LPAR6: variants seen among roughly 807,000 people sequenced by gnomAD.
The protein encoded by LPAR6 is G-protein coupled purinergic receptor P2Y5.
A neutral mutation model predicts 22.0 loss-of-function variants in LPAR6; 17 were observed. That is an observed-to-expected ratio of 0.77 (90% confidence interval 0.53 to 1.16). The LOEUF is 1.16. LPAR6 is among the 50% of genes most tolerant of loss of function. The pLI is 0.00. For missense variants in LPAR6, 384 were observed against 406.9 expected (o/e 0.94, Z 0.48); for synonymous variants, 136 against 139.8 (o/e 0.97, Z 0.19).
At chr13:48,433,515 A>C (rs762852520) in intron 1 of LPAR6, among the ~76,000 whole-genome samples, 2 of 152,156 alleles carry the variant, frequency 1.3e-5, no homozygotes, top group Non-Finnish European at 2.9e-5. Flanking sequence ...TTTTGTTCAG[A>C]GAATTTCTGC....
At chr13:48,444,286 G>A (rs916530127) in intron 1 of LPAR6, among the ~76,000 whole-genome samples, 1 of 152,314 alleles carries the variant, frequency 6.6e-6, no homozygotes, top group African/African-American at 2.4e-5. Context: ...GGAGGTCGAG[G>A]TGGGCAGATC....
upstream of LPAR6, among the ~76,000 whole-genome samples, chr13:48,430,216 G>A (rs1949115212): frequency 6.6e-6 from 1 of 152,046 alleles, no homozygotes; most frequent in African/African-American, 2.4e-5. Flanking sequence ...CCCATACCCA[G>A]GGGAATTTAA....
At chr13:48,436,736 T>C (rs1011401813) in intron 1 of LPAR6, among the ~76,000 whole-genome samples, 9 of 152,068 alleles carry the variant, frequency 5.9e-5, no homozygotes, top group African/African-American at 2.2e-4. Context: ...CAAGGTAAAA[T>C]GGAAAAGATC....
At chr13:48,396,230 T>C (rs1948647111) in intron 1 of LPAR6, among the ~76,000 whole-genome samples, 1 of 152,154 alleles carries the variant, frequency 6.6e-6, no homozygotes, top group African/African-American at 2.4e-5. Flanking sequence ...GGCATCACGC[T>C]ACTTGACTTC....
chr13:48,395,967 A>T (rs531737952), intron 1 of LPAR6, among the ~76,000 whole-genome samples: 26 of 152,286 alleles, frequency 1.7e-4, no homozygotes, highest in African/African-American at 5.8e-4. Flanking sequence ...AAAAAATATT[A>T]AGAGCAGCCA....
intron 1 of LPAR6, among the ~76,000 whole-genome samples, chr13:48,442,549 A>G (rs1477936518): frequency 6.6e-6 from 1 of 152,236 alleles, no homozygotes; most frequent in Non-Finnish European, 1.5e-5. Context: ...AAATTCCACA[A>G]AAACTCTTTA....
chr13:48,391,839 G>T (rs573784460), intron 1 of LPAR6, among the ~76,000 whole-genome samples: 1 of 151,886 alleles, frequency 6.6e-6, no homozygotes, highest in Non-Finnish European at 1.5e-5. Context: ...GGCTGGTCTC[G>T]AACTCCTGAC....
At chr13:48,402,827 A>G (rs894864995) in intron 1 of LPAR6, among the ~76,000 whole-genome samples, 3 of 152,204 alleles carry the variant, frequency 2.0e-5, no homozygotes, top group African/African-American at 7.2e-5. Context: ...AACATAAAGT[A>G]TAGTAATTTT....
At chr13:48,433,718 A>G (rs899064595) in intron 1 of LPAR6, among the ~76,000 whole-genome samples, 1 of 147,966 alleles carries the variant, frequency 6.8e-6, no homozygotes, top group South Asian at 2.1e-4. Flanking sequence ...TATGCATTGT[A>G]TTACAAAACA....
chr13:48,402,619 C>T (rs1278997490), intron 1 of LPAR6, among the ~76,000 whole-genome samples: 1 of 151,984 alleles, frequency 6.6e-6, no homozygotes, highest in Non-Finnish European at 1.5e-5. Flanking sequence ...TCAAGTGATC[C>T]TATTGCTTTG....
upstream of LPAR6, among the ~76,000 whole-genome samples, chr13:48,427,097 A>G (rs192117344): frequency 6.6e-6 from 1 of 152,318 alleles, no homozygotes; most frequent in East Asian, 1.9e-4. Context: ...TTCATGAGGG[A>G]TCCACCCCCC....
At chr13:48,443,949 A>G (rs1192004901) in intron 1 of LPAR6, among the ~76,000 whole-genome samples, 2 of 152,140 alleles carry the variant, frequency 1.3e-5, no homozygotes, top group African/African-American at 2.4e-5. Context: ...TCATACCACC[A>G]CAACAGTTGT....
Position 48,411,652 on chromosome 13 carries a change from G to T in LPAR6, c.772C>A (p.Gln258Lys). 1.9e-6 allele frequency: 3 copies of T among 1,611,118 alleles called. No individual in the cohort carries two copies. The highest frequency in any genetic ancestry group is 1.7e-4 in the Middle Eastern group (1 of 6,054). The change falls in exon 1 of 1, where the codon CAA becomes AAA. Residue 258 changes from glutamine to lysine, a missense_variant. Transcript: ENST00000620633. ...NLILYSLVRT[Q>K]TFVNCSVVAA... ...ACTACTGAGCAATTAACAAATGTTT[G>T]TGTTCTCACAAGAGAATATAAAATA...
upstream of LPAR6, among the ~76,000 whole-genome samples, chr13:48,431,864 T>C (rs1404266243): frequency 6.6e-6 from 1 of 152,232 alleles, no homozygotes; most frequent in African/African-American, 2.4e-5. Context: ...GCTTATGTTG[T>C]CTTCATCTCT....
intron 1 of LPAR6, chr13:48,422,815 A>G (rs1287573463): frequency 2.6e-5 from 4 of 152,190 alleles, no homozygotes; most frequent in Non-Finnish European, 5.9e-5. Context: ...AAAAGGAAAG[A>G]ATATAGCCTA....
At chr13:48,434,075 TTAAAA>T (rs1212883533) in intron 1 of LPAR6, among the ~76,000 whole-genome samples, 2 of 152,070 alleles carry the variant, frequency 1.3e-5, no homozygotes, top group African/African-American at 2.4e-5. Flanking sequence ...ATGTTGAGAA[TTAAAA>T]TAAATAATTT....
At chr13:48,392,784 A>G (rs9591163) in intron 1 of LPAR6, among the ~76,000 whole-genome samples, 8,964 of 150,682 alleles carry the variant, frequency 0.059, 587 homozygotes, top group African/African-American at 0.16. Context: ...TAAGAGTCGT[A>G]TGTTTCTGCT....
chr13:48,427,207 C>T (rs1360779678), upstream of LPAR6, among the ~76,000 whole-genome samples: 13 of 114,974 alleles, frequency 1.1e-4, no homozygotes, highest in African/African-American at 1.3e-4. Flanking sequence ...GGGGAGCACA[C>T]TTCAACACGA....
chr13:48,410,476 A>G (rs771709644), downstream of LPAR6, among the ~76,000 whole-genome samples: 28 of 152,200 alleles, frequency 1.8e-4, no homozygotes, highest in Non-Finnish European at 2.8e-4. Flanking sequence ...CATCATAAGC[A>G]ACACGTGACA....
Sources: allele counts gnomAD v4.1 joint callset (sites outside exome capture counted in the v4.1 genomes callset), GRCh38; gene constraint gnomAD v4.1.1; transcripts MANE v1.5; gene names NCBI Gene and HGNC (gene_info 2026-07-23, HGNC 2026-07-21).